Variants in ADAMTS2 observed in about 807,000 individuals in gnomAD.
ADAMTS2 encodes the protein A disintegrin and metalloproteinase with thrombospondin motifs 2.
Under a neutral mutation model 123.0 loss-of-function variants are expected in ADAMTS2, and 50 were observed. The observed-to-expected ratio is 0.41, with a 90% CI of 0.32 to 0.51. The LOEUF (loss-of-function observed/expected upper bound fraction) is 0.51, where lower values mean the gene tolerates loss of function less well. Ranked by LOEUF, ADAMTS2 falls within the 20% of genes least tolerant of loss-of-function variation. ADAMTS2 has a pLI of 0.35. For synonymous variants in ADAMTS2, 678 were observed against 695.4 expected (o/e 0.98, Z 0.39); for missense variants, 1,494 against 1,705.2 (o/e 0.88, Z 2.18).
intron 3 of ADAMTS2, among the ~76,000 whole-genome samples, chr5:179,271,252 T>C (rs948867346): frequency 5.3e-5 from 8 of 152,108 alleles, no homozygotes; most frequent in Non-Finnish European, 1.0e-4. Context: ...GGCTGCCATG[T>C]TCAGGAAGAC....
chr5:179,137,745 C>A (rs1479886700), intron 12 of ADAMTS2, 24 bp downstream of exon 12: 4 of 1,544,538 alleles, frequency 2.6e-6, no homozygotes, highest in Non-Finnish European at 3.5e-6. Context: ...TGAGCCCCCA[C>A]TGATGCCTCC....
At position 179,189,312 on chromosome 5, in the gene ADAMTS2, T is replaced by C. The variant is rs919295823; in HGVS notation, c.892-8157A>G. Among the ~76,000 whole-genome samples the C allele has an allele frequency of 2.0e-5, 3 of 151,788 alleles. No homozygotes were observed. The highest frequency in any genetic ancestry group is 4.4e-5 in the Non-Finnish European group (3 of 67,974). On this transcript the variant is annotated intron_variant, in intron 4 of 21. Coordinates refer to ENST00000251582, the MANE Select transcript of ADAMTS2 (RefSeq NM_014244.5). This position sits in a 1 kb window ranked among gnomAD's most constrained non-coding sequence, Gnocchi z 4.2. Reference sequence around the variant, plus strand: ...CAAAGGGTGGTGGGACTACCATTCGTTGGTATAGGTTTGGGATAGACGGTG... The same window carrying C: ...CAAAGGGTGGTGGGACTACCATTCGCTGGTATAGGTTTGGGATAGACGGTG...
rs1184348731 is a variant in ADAMTS2, at chr5:179,262,172, A to C, written c.688+10739T>G. ...ATTCTGACTCCTGCACGTGGCCCAG[A>C]CCACCTAACCTGCCACCCCCACCAG... is the stretch of plus-strand genomic sequence containing the variant. On this transcript the variant is annotated intron_variant, in intron 3 of 21. Coordinates refer to ENST00000251582, the MANE Select transcript of ADAMTS2 (RefSeq NM_014244.5). The surrounding 1 kb of genome is among the most constrained non-coding windows in gnomAD (Gnocchi z 5.9). Among the ~76,000 whole-genome samples the C allele has an allele frequency of 3.3e-5, 5 of 151,756 alleles. No individual in the cohort carries two copies. The highest frequency in any genetic ancestry group is 7.4e-5 in the Non-Finnish European group (5 of 67,910).
intron 3 of ADAMTS2, among the ~76,000 whole-genome samples, chr5:179,239,285 C>A (rs1175711968): frequency 6.6e-6 from 1 of 151,982 alleles, no homozygotes; most frequent in Admixed American, 6.6e-5. Context: ...TGAAAGAAAA[C>A]CTAAAAAGAT....
At chr5:179,123,629 A>T (rs1762800792) in intron 19 of ADAMTS2, among the ~76,000 whole-genome samples, 1 of 152,162 alleles carries the variant, frequency 6.6e-6, no homozygotes. Context: ...GTGTTTTGCC[A>T]TGCCGCCCAG....
rs1166539156 is a variant in ADAMTS2, at chr5:179,188,173, G to C, written c.892-7018C>G. Among the ~76,000 whole-genome samples, 9 of 152,214 alleles carry C rather than the reference G, an allele frequency of 5.9e-5. No individual in the cohort carries two copies. Among genetic ancestry groups the C allele is most frequent in the Non-Finnish European group, 1.0e-4 (7 of 68,036 alleles). ...GGAAAGTTCCCATGTCCTTCGCTCA[G>C]CTGAGCTTTGGGCCACCAGAGGCAG... On this transcript the variant is annotated intron_variant, in intron 4 of 21. Coordinates refer to ENST00000251582, the MANE Select transcript of ADAMTS2 (RefSeq NM_014244.5). The surrounding 1 kb of genome is among the most constrained non-coding windows in gnomAD (Gnocchi z 5.1).
Position 179,128,269 on chromosome 5 carries a change from T to A in ADAMTS2, c.2458-151A>T, listed in dbSNP as rs1226968611. On this transcript the variant is annotated intron_variant, in intron 16 of 21. Coordinates refer to ENST00000251582, the MANE Select transcript of ADAMTS2 (RefSeq NM_014244.5). The surrounding 1 kb of genome is among the most constrained non-coding windows in gnomAD (Gnocchi z 4.9). ...GAAGTCGCCCCGAGCACCAAATTCT[T>A]GAATAGGGAGCCATTACCCCAGGGG... 3 of 953,194 alleles carry A rather than the reference T, an allele frequency of 3.1e-6. No individual in the cohort carries two copies. The highest frequency in any genetic ancestry group is 5.3e-5 in the East Asian group (2 of 37,876). The allele number at this position is 953,194 out of a possible 1,614,324, so 59.0% of individuals were successfully genotyped here.
At chr5:179,142,632 G>A (rs902120665) in intron 10 of ADAMTS2, among the ~76,000 whole-genome samples, 2 of 152,228 alleles carry the variant, frequency 1.3e-5, no homozygotes, top group Non-Finnish European at 2.9e-5. Context: ...TTAATGGAAA[G>A]ATCTGGGAAA....
chr5:179,292,293 T>A (rs1054204420), intron 2 of ADAMTS2, among the ~76,000 whole-genome samples: 1 of 150,460 alleles, frequency 6.6e-6, no homozygotes, highest in South Asian at 2.2e-4. Flanking sequence ...CACAAACAGG[T>A]TCCAAAGAGC....
intron 9 of ADAMTS2, among the ~76,000 whole-genome samples, chr5:179,153,069 T>C (rs370424643): frequency 1.8e-4 from 28 of 152,336 alleles, no homozygotes; most frequent in Admixed American, 3.9e-4. Context: ...CACTTGGCCC[T>C]GGAGAGCAGC....
chr5:179,134,384 C>T (rs573603977), intron 13 of ADAMTS2, among the ~76,000 whole-genome samples: 1 of 152,262 alleles, frequency 6.6e-6, no homozygotes, highest in African/African-American at 2.4e-5. Flanking sequence ...ACATACCAAA[C>T]CAAGATTCTT....
chr5:179,186,031 C>T (rs1450940949), intron 4 of ADAMTS2, among the ~76,000 whole-genome samples: 1 of 152,108 alleles, frequency 6.6e-6, no homozygotes, highest in Admixed American at 6.5e-5. Context: ...GTCCCTTCCT[C>T]CCTTCCACAC....
chr5:179,324,671 G>A (rs191261037), intron 2 of ADAMTS2, among the ~76,000 whole-genome samples: 2 of 152,280 alleles, frequency 1.3e-5, no homozygotes, highest in South Asian at 2.1e-4. Context: ...GATTATAGGC[G>A]TGAGGCACCA....
chr5:179,333,201 A>G (rs1757524810), intron 2 of ADAMTS2, among the ~76,000 whole-genome samples: 1 of 152,024 alleles, frequency 6.6e-6, no homozygotes, highest in Non-Finnish European at 1.5e-5. Flanking sequence ...CCCCCATGGA[A>G]TTCCCTTTGA....
At position 179,314,277 on chromosome 5, in the gene ADAMTS2, C is replaced by T. The variant is rs1299905804; in HGVS notation, c.534+29490G>A. Reference sequence around the variant, plus strand: ...TGTCTTGCTCAGCTCGGGGGAAGCACCTCTCGCCAGCCATCTGGGGCTTGG... The same window carrying T: ...TGTCTTGCTCAGCTCGGGGGAAGCATCTCTCGCCAGCCATCTGGGGCTTGG... On this transcript the variant is annotated intron_variant, in intron 2 of 21. Coordinates refer to ENST00000251582, the MANE Select transcript of ADAMTS2 (RefSeq NM_014244.5). This position sits in a 1 kb window ranked among gnomAD's most constrained non-coding sequence, Gnocchi z 4.5. Among the ~76,000 whole-genome samples, 1 of 152,222 alleles carries T rather than the reference C, an allele frequency of 6.6e-6. No individual in the cohort carries two copies. The highest frequency in any genetic ancestry group is 6.5e-5 in the Admixed American group (1 of 15,282).
At chr5:179,265,989 A>AG (rs1766359456) in intron 3 of ADAMTS2, among the ~76,000 whole-genome samples, 1 of 152,188 alleles carries the variant, frequency 6.6e-6, no homozygotes, top group African/African-American at 2.4e-5. Context: ...GTGGCTTGGC[A>AG]GGGCCCAGGC....
intron 3 of ADAMTS2, among the ~76,000 whole-genome samples, chr5:179,258,630 T>A (rs1766131700): frequency 1.3e-5 from 2 of 152,104 alleles, no homozygotes; most frequent in South Asian, 4.1e-4. Flanking sequence ...GCAGCTGGAC[T>A]CAAATATGTG....
chr5:179,208,890 C>G (rs1328877620), intron 3 of ADAMTS2, among the ~76,000 whole-genome samples: 1 of 152,190 alleles, frequency 6.6e-6, no homozygotes, highest in Non-Finnish European at 1.5e-5. Flanking sequence ...CGTGACATCA[C>G]TGACCCACAG....
At chr5:179,274,868 G>A (rs1766652708) in intron 2 of ADAMTS2, among the ~76,000 whole-genome samples, 1 of 152,254 alleles carries the variant, frequency 6.6e-6, no homozygotes, top group South Asian at 2.1e-4. Flanking sequence ...CATCAGGCCT[G>A]GCTCCAGAAT....
Sources: allele counts gnomAD v4.1 joint callset (sites outside exome capture counted in the v4.1 genomes callset), GRCh38; gene constraint gnomAD v4.1.1; non-coding constraint Gnocchi (gnomAD v3.1); transcripts MANE v1.5; gene names NCBI Gene and HGNC (gene_info 2026-07-23, HGNC 2026-07-21).